Variants in ZNF891 observed in about 807,000 individuals in gnomAD.
ZNF891 encodes zinc finger protein 891.
For missense variants in ZNF891, 589 were observed against 632.7 expected, an observed-to-expected ratio of 0.93 and a Z score of 0.74; for synonymous variants, 199 against 209.0, an observed-to-expected ratio of 0.95 and a Z score of 0.41.
Position 133,121,393 on chromosome 12 carries a change from T to A in ZNF891, c.526A>T (p.Ile176Leu). 1 of 1,536,140 alleles carries A rather than the reference T, an allele frequency of 6.5e-7. No homozygotes were observed. Among genetic ancestry groups the A allele is most frequent in the Non-Finnish European group, 8.7e-7 (1 of 1,146,906 alleles). The change falls in exon 2 of 2, where the codon ATA becomes TTA. Residue 176 changes from isoleucine (I) to leucine (L), a missense_variant. Ile to Leu is a conservative substitution (Grantham distance 5). Transcript: ENST00000537226. ...KIPGGHWRQM[I>L]YAPKKTVPQE... Reference sequence around the variant, plus strand: ...GGTACTGTTTTCTTTGGGGCATATATCATTTGCCTCCAATGTCCCCCTGGA... The same window carrying A: ...GGTACTGTTTTCTTTGGGGCATATAACATTTGCCTCCAATGTCCCCCTGGA...
At position 133,105,636 on chromosome 12, in the gene ZNF891, G is replaced by A. The variant is rs1247271433; in HGVS notation, c.*14648C>T. 6.2e-7 allele frequency: 1 copy of A among 1,614,040 alleles called. No individual in the cohort carries two copies. The highest frequency in any genetic ancestry group is 8.5e-7 in the Non-Finnish European group (1 of 1,180,046). ...CCTGTGTATTCCAGTTTTAAAGGAG[G>A]CTGGAAATGCAAGGATCATACTGAG... is the stretch of plus-strand genomic sequence containing the variant. On this transcript the variant is annotated 3_prime_UTR_variant, in exon 2 of 2. Coordinates refer to ENST00000537226, the MANE Select transcript of ZNF891 (RefSeq NM_001277291.2).
intron 1 of ZNF891, among the ~76,000 whole-genome samples, chr12:133,128,447 C>G: frequency 6.6e-6 from 1 of 152,142 alleles, no homozygotes; most frequent in Non-Finnish European, 1.5e-5. Flanking sequence ...GCCTGGGCAA[C>G]ACCGTGAAAC....
chr12:133,120,732 C>G lies in ZNF891; in HGVS notation c.1187G>C (p.Arg396Thr). The G allele has an allele frequency of 6.4e-7, 1 of 1,567,654 alleles. No individual in the cohort carries two copies. Among genetic ancestry groups the G allele is most frequent in the Non-Finnish European group, 8.6e-7 (1 of 1,156,988 alleles). Residue 396 changes from arginine to threonine, a missense_variant, in exon 2 of 2, where the codon AGA becomes ACA. By Grantham distance (71) the Arg-to-Thr change is moderately conservative. Transcript: ENST00000537226. ...ATAAGGTTTCTCTCCAGTGTGAGTT[C>G]TCATGTGAGCCTTAAGGGATGTTTT... Reference protein sequence around the residue: ...SQKTSLKAHMRTHTGEKPYEC... With the variant: ...SQKTSLKAHMTTHTGEKPYEC...
chr12:133,115,369 G>C lies in ZNF891; in HGVS notation c.*4915C>G, dbSNP rs1016370793. On this transcript the variant is annotated 3_prime_UTR_variant, in exon 2 of 2. Transcript: ENST00000537226. Reference sequence around the variant, plus strand: ...GAACGTGCCACTGCACTCCAGCCTGGGAAAAAGCAAAACTCCTTCTCAAAA... The same window carrying C: ...GAACGTGCCACTGCACTCCAGCCTGCGAAAAAGCAAAACTCCTTCTCAAAA... 5 of 65,972 alleles carry C rather than the reference G, an allele frequency of 7.6e-5. No individual in the cohort carries two copies. The East Asian group carries it at 1.5e-3, about 19-fold the overall frequency. The allele number at this position is 65,972 out of a possible 1,614,324, so 4.1% of individuals were successfully genotyped here.
At chr12:133,123,913 A>T (rs1307337867) in intron 1 of ZNF891, among the ~76,000 whole-genome samples, 1 of 152,182 alleles carries the variant, frequency 6.6e-6, no homozygotes, top group African/African-American at 2.4e-5. Context: ...TTTACTAAAC[A>T]ATAGGAAAAA....
chr12:133,121,364 C>T lies in ZNF891; in HGVS notation c.555G>A (p.Gln185=). 3 of 1,536,088 alleles carry T rather than the reference C, an allele frequency of 2.0e-6. No individual in the cohort carries two copies. Among genetic ancestry groups the T allele is most frequent in the Non-Finnish European group, 1.7e-6 (2 of 1,146,896 alleles). Residue 185 remains glutamine, a synonymous_variant, in exon 2 of 2, where the codon CAG becomes CAA. Transcript: ENST00000537226. The part of the protein sequence containing the change: ...MIYAPKKTVP[Q]ELFRDYHELE... ...ATTCATGATAGTCACGGAATAGCTC[C>T]TGAGGTACTGTTTTCTTTGGGGCAT...
Position 133,120,660 on chromosome 12 carries a change from A to G in ZNF891, c.1259T>C (p.Ile420Thr), listed in dbSNP as rs755492564. The change falls in exon 2 of 2, where the codon ATA (isoleucine) becomes ACA (threonine). Residue 420 changes from isoleucine to threonine, a missense_variant. Transcript: ENST00000537226. ...GKSFGTSSYL[I>T]VHKRIHTGEK... ...TCCAGTGTGTATTCTCTTGTGCACT[A>G]TAAGGTAAGAGCTTGTGCCAAAGGA... 4.5e-6 allele frequency: 7 copies of G among 1,557,408 alleles called. No homozygotes were observed. In the South Asian group the frequency reaches 4.7e-5, roughly 11 times the overall value.
Position 133,115,389 on chromosome 12 carries a change from T to C in ZNF891, c.*4895A>G, listed in dbSNP as rs1185265226. 1.6e-4 allele frequency: 1 copy of C among 6,062 alleles called. No individual in the cohort carries two copies. The highest frequency in any genetic ancestry group is 3.7e-4 in the Non-Finnish European group (1 of 2,674). The allele number at this position is 6,062 out of a possible 1,614,324, so 0.4% of individuals were successfully genotyped here. On this transcript the variant is annotated 3_prime_UTR_variant, in exon 2 of 2. Coordinates refer to ENST00000537226, the MANE Select transcript of ZNF891 (RefSeq NM_001277291.2). ...GCCTGGGAAAAAGCAAAACTCCTTC[T>C]CAAAAAAAAAAAAAAAAAAAAAAAA... is the stretch of plus-strand genomic sequence containing the variant.
intron 1 of ZNF891, among the ~76,000 whole-genome samples, chr12:133,126,248 C>T (rs576843255): frequency 2.2e-3 from 334 of 151,882 alleles, no homozygotes; most frequent in African/African-American, 7.1e-3. Flanking sequence ...AGTACTGAGG[C>T]GGGTGGATCA....
intron 1 of ZNF891, 116 bp from the exon 2 acceptor site, chr12:133,122,140 C>T: frequency 7.7e-7 from 1 of 1,299,824 alleles, no homozygotes; most frequent in African/African-American, 1.5e-5. Flanking sequence ...CAAGGTCTAA[C>T]CAGCTTAAAA....
chr12:133,124,630 T>G lies in ZNF891; in HGVS notation c.-106-2606A>C, dbSNP rs190192429. ...ATCAATTATACTGACTACAGACTTC[T>G]CAGTTGCAAAGATAGAGGCCAAAAA... On this transcript the variant is annotated intron_variant, in intron 1 of 1. Coordinates refer to ENST00000537226, the MANE Select transcript of ZNF891 (RefSeq NM_001277291.2). 1.3e-3 allele frequency among the ~76,000 whole-genome samples: 201 copies of G among 151,342 alleles called. 1 individual carries two copies. Among genetic ancestry groups the G allele is most frequent in the African/African-American group, 4.8e-3 (198 of 41,302 alleles).
chr12:133,125,248 C>T (rs1593830231), intron 1 of ZNF891, among the ~76,000 whole-genome samples: 1 of 152,244 alleles, frequency 6.6e-6, no homozygotes, highest in East Asian at 1.9e-4. Flanking sequence ...GATCCTCCAC[C>T]TTAGCCTCTG....
rs1955697927 is a variant in ZNF891 at position 133,113,447 on chromosome 12, G to T, written c.*6837C>A. On this transcript the variant is annotated 3_prime_UTR_variant, in exon 2 of 2. Coordinates refer to ENST00000537226, the MANE Select transcript of ZNF891 (RefSeq NM_001277291.2). ...ATTAAAAAGTCATACCATATTTTGT[G>T]ACTGTTTAAAATTCATAATGTATCA... 1 of 151,978 alleles carries T rather than the reference G, an allele frequency of 6.6e-6. No homozygotes were observed. The highest frequency in any genetic ancestry group is 1.5e-5 in the Non-Finnish European group (1 of 67,990). 9.4% of individuals were successfully genotyped at this position (151,978 alleles called of 1,614,324 possible). A position where few individuals can be genotyped will look rare whatever the true frequency, so the allele number is the denominator to read the frequency against.
At position 133,115,390 on chromosome 12, in the gene ZNF891, C is replaced by CAAAAAAAAAAAAAAAAAAAAAAAAAAAA. The variant is rs550203150; in HGVS notation, c.*4893_*4894insTTTTTTTTTTTTTTTTTTTTTTTTTTTT. The CAAAAAAAAAAAAAAAAAAAAAAAAAAAA allele has an allele frequency of 8.4e-4, 29 of 34,344 alleles. 4 individuals are homozygous for CAAAAAAAAAAAAAAAAAAAAAAAAAAAA. The highest frequency in any genetic ancestry group is 1.1e-3 in the Non-Finnish European group (19 of 17,298). 2.1% of individuals were successfully genotyped at this position (34,344 alleles called of 1,614,324 possible). A position where few individuals can be genotyped will look rare whatever the true frequency, so the allele number is the denominator to read the frequency against. ...CCTGGGAAAAAGCAAAACTCCTTCT[C>CAAAAAAAAAAAAAAAAAAAAAAAAAAAA]AAAAAAAAAAAAAAAAAAAAAAAAA... On this transcript the variant is annotated 3_prime_UTR_variant, in exon 2 of 2. Transcript: ENST00000537226.
chr12:133,116,809 T>A lies in ZNF891; in HGVS notation c.*3475A>T, dbSNP rs1265907456. On this transcript the variant is annotated 3_prime_UTR_variant, in exon 2 of 2. Coordinates refer to ENST00000537226, the MANE Select transcript of ZNF891 (RefSeq NM_001277291.2). ...CCTTTCATTAATTTAAACTTGGCTG[T>A]TCCCTGGGAAGGAAAAAACACCTAC... 1 of 152,208 alleles carries A rather than the reference T, an allele frequency of 6.6e-6. No homozygotes were observed. The highest frequency in any genetic ancestry group is 1.9e-4 in the East Asian group (1 of 5,196). 9.4% of individuals were successfully genotyped at this position (152,208 alleles called of 1,614,324 possible). A position where few individuals can be genotyped will look rare whatever the true frequency, so the allele number is the denominator to read the frequency against.
In ZNF891 at chr12:133,129,540, T is replaced by C. The variant is rs907043069; in HGVS notation, c.-107+687A>G. ...AAAAAAAATTGAGTCAGAAGTTAAATGCGTACTAAATATTTTAAGACCAAA... is the reference window on the plus strand; with the variant it reads ...AAAAAAAATTGAGTCAGAAGTTAAACGCGTACTAAATATTTTAAGACCAAA... On this transcript the variant is annotated intron_variant, in intron 1 of 1. Coordinates refer to ENST00000537226, the MANE Select transcript of ZNF891 (RefSeq NM_001277291.2). 6.2e-5 allele frequency among the ~76,000 whole-genome samples: 9 copies of C among 146,336 alleles called. No individual in the cohort carries two copies. The Middle Eastern group carries it at 0.011, about 177-fold the overall frequency.
In ZNF891 at chr12:133,108,777, A is replaced by C. The variant is rs894087535; in HGVS notation, c.*11507T>G. The C allele has an allele frequency of 3.3e-5, 5 of 152,220 alleles. No homozygotes were observed. Among genetic ancestry groups the C allele is most frequent in the East Asian group, 1.9e-4 (1 of 5,204 alleles). The allele number at this position is 152,220 out of a possible 1,614,324, so 9.4% of individuals were successfully genotyped here. On this transcript the variant is annotated 3_prime_UTR_variant, in exon 2 of 2. Coordinates refer to ENST00000537226, the MANE Select transcript of ZNF891 (RefSeq NM_001277291.2). ...GCCTTCAATTACAATGCAATACTTA[A>C]ATTTTAATACTCTTGTAGGAGAAAA...
At chr12:133,129,616 G>C (rs1242171851) in intron 1 of ZNF891, among the ~76,000 whole-genome samples, 1 of 151,980 alleles carries the variant, frequency 6.6e-6, no homozygotes, top group African/African-American at 2.4e-5. Flanking sequence ...GTGGTGACCT[G>C]TTTTACAGAA....
Position 133,121,650 on chromosome 12 carries a change from G to C in ZNF891, c.269C>G (p.Thr90Ser), listed in dbSNP as rs1288815929. 2 of 1,536,362 alleles carry C rather than the reference G, an allele frequency of 1.3e-6. No homozygotes were observed. The highest frequency in any genetic ancestry group is 3.9e-5 in the Admixed American group (2 of 50,990). Residue 90 changes from threonine (T) to serine (S), a missense_variant, in exon 2 of 2, where the codon ACT becomes AGT. By Grantham distance (58) the Thr-to-Ser change is moderately conservative. Coordinates refer to ENST00000537226, the MANE Select transcript of ZNF891 (RefSeq NM_001277291.2). ...TTCTTGATCCAATGGGGAGATCACA[G>C]TAAGCCTGTACAACTGATATTCCAC... is the stretch of plus-strand genomic sequence containing the variant. The part of the protein sequence containing the change: ...TSVEYQLYRL[T>S]VISPLDQEEI...
Sources: gnomAD v4.1 joint callset for allele counts (sites outside exome capture counted in the v4.1 genomes callset) on GRCh38, gnomAD v4.1.1 for gene constraint, MANE v1.5 for transcripts, NCBI Gene and HGNC (gene_info 2026-07-23, HGNC 2026-07-21) for gene names.